Variants in SND1 observed in about 807,000 individuals in gnomAD.
SND1 encodes staphylococcal nuclease domain-containing protein 1.
Under a neutral mutation model 121.7 loss-of-function variants are expected in SND1, and 38 were observed. That is an observed-to-expected ratio of 0.31 (90% CI 0.24 to 0.41). The LOEUF (loss-of-function observed/expected upper bound fraction) is 0.41, where lower values mean the gene tolerates loss of function less well. SND1 is among the 10% of genes least tolerant of loss of function. SND1 has a pLI of 1.00. For synonymous variants in SND1, 401 were observed against 447.4 expected, an observed-to-expected ratio of 0.90 and a Z score of 1.31; for missense variants, 868 against 1,184.6, an observed-to-expected ratio of 0.73 and a Z score of 3.92.
Position 127,816,728 on chromosome 7 carries a change from A to G in SND1, c.1242+9155A>G, listed in dbSNP as rs141583615. ...ACCCAGGCTGGAGTGCAGTGATGCG[A>G]TCTTGGCTCACTGCAACGTCTGCCT... is the stretch of plus-strand genomic sequence containing the variant. On this transcript the variant is annotated intron_variant, in intron 11 of 23. Coordinates refer to ENST00000354725, the MANE Select transcript of SND1 (RefSeq NM_014390.4). 4.6e-3 allele frequency among the ~76,000 whole-genome samples: 658 copies of G among 142,992 alleles called. 7 individuals carry two copies. Among genetic ancestry groups the G allele is most frequent in the African/African-American group, 0.017 (628 of 37,922 alleles). The allele number at this position is 142,992 out of a possible 152,430, so 93.8% of individuals were successfully genotyped here. A position where few individuals can be genotyped will look rare whatever the true frequency, so the allele number is the denominator to read the frequency against.
chr7:127,887,786 TTC>T lies in SND1; in HGVS notation c.1344-109_1344-108del, dbSNP rs1318297959. The stretch of plus-strand genomic sequence containing the variant: ...AACTCATAGGTCTTGAAACCTTGGC[TTC>T]TCTCTCCCTCTGCCAGAATGCGTTA... On this transcript the variant is annotated intron_variant, in intron 12 of 23. Transcript: ENST00000354725. 3.5e-5 allele frequency: 22 copies of T among 624,874 alleles called. No homozygotes were observed. The African/African-American group carries it at 3.7e-4, about 10-fold the overall frequency. 38.7% of individuals were successfully genotyped at this position (624,874 alleles called of 1,614,324 possible).
At chr7:127,794,579 C>G (rs192737025) in intron 10 of SND1, among the ~76,000 whole-genome samples, 6 of 152,304 alleles carry the variant, frequency 3.9e-5, no homozygotes, top group Admixed American at 3.9e-4. Flanking sequence ...ATGGGCTCAC[C>G]CGCTCCTTCT....
At chr7:127,792,842 A>G (rs1431576203) in intron 10 of SND1, among the ~76,000 whole-genome samples, 1 of 152,196 alleles carries the variant, frequency 6.6e-6, no homozygotes, top group African/African-American at 2.4e-5. Context: ...ACAAGCTACC[A>G]TTGCTGGGAG....
At chr7:127,716,138 G>A (rs1387311459) in intron 9 of SND1, among the ~76,000 whole-genome samples, 2 of 152,182 alleles carry the variant, frequency 1.3e-5, no homozygotes, top group Admixed American at 1.3e-4. Context: ...TTGAAATCAG[G>A]AAGTGTGAGT....
rs191503735 is a variant in SND1 at position 127,944,354 on chromosome 7, G to T, written c.1669+15025G>T. On this transcript the variant is annotated intron_variant, in intron 15 of 23. Coordinates refer to ENST00000354725, the MANE Select transcript of SND1 (RefSeq NM_014390.4). Reference sequence around the variant, plus strand: ...AGGATTTGCAGAAATTGAGATTGCTGTTCCCAGATATTGGCACTTGCCTGG... The same window carrying T: ...AGGATTTGCAGAAATTGAGATTGCTTTTCCCAGATATTGGCACTTGCCTGG... Among the ~76,000 whole-genome samples the T allele has an allele frequency of 2.0e-5, 3 of 152,218 alleles. No homozygotes were observed. The South Asian group carries it at 6.2e-4, about 31-fold the overall frequency.
At chr7:128,057,198 A>C (rs1205370368) in intron 16 of SND1, among the ~76,000 whole-genome samples, 1 of 151,816 alleles carries the variant, frequency 6.6e-6, no homozygotes, top group Non-Finnish European at 1.5e-5. Flanking sequence ...GATAAGGGGG[A>C]CTCCTTTATA....
intron 1 of SND1, among the ~76,000 whole-genome samples, chr7:127,663,687 C>T (rs1225457726): frequency 6.6e-6 from 1 of 152,100 alleles, no homozygotes; most frequent in East Asian, 1.9e-4. Context: ...TACTGTACTT[C>T]TTAATTGGTT....
At chr7:128,071,425 A>G (rs771973521) in intron 16 of SND1, among the ~76,000 whole-genome samples, 3 of 152,382 alleles carry the variant, frequency 2.0e-5, no homozygotes, top group African/African-American at 4.8e-5. Flanking sequence ...AACTGTATGT[A>G]TATATCTCTG....
chr7:127,746,197 A>G (rs982362392), intron 10 of SND1, among the ~76,000 whole-genome samples: 2 of 152,106 alleles, frequency 1.3e-5, no homozygotes, highest in African/African-American at 4.8e-5. Context: ...CTCCTTTTTT[A>G]CTTTATTTCA....
intron 16 of SND1, among the ~76,000 whole-genome samples, chr7:128,049,348 C>G (rs1342384938): frequency 6.6e-6 from 1 of 152,118 alleles, no homozygotes. Context: ...CTCCCAGCCC[C>G]TCTCCTTCCT....
At chr7:127,847,768 T>C (rs1271722300) in intron 12 of SND1, among the ~76,000 whole-genome samples, 1 of 152,240 alleles carries the variant, frequency 6.6e-6, no homozygotes, top group African/African-American at 2.4e-5. Context: ...GCCAATAATA[T>C]GGCACTGGTT....
At position 128,065,377 on chromosome 7, in the gene SND1, T is replaced by C. The variant is rs181276217; in HGVS notation, c.1780-9125T>C. ...CACAAAGCAGAGCGGACTGGCCCCA[T>C]TGGGGGGGTCACAGGTCAGCTACTT... On this transcript the variant is annotated intron_variant, in intron 16 of 23. Coordinates refer to ENST00000354725, the MANE Select transcript of SND1 (RefSeq NM_014390.4). Among the ~76,000 whole-genome samples, 6 of 152,228 alleles carry C rather than the reference T, an allele frequency of 3.9e-5. No individual in the cohort carries two copies. In the East Asian group the frequency reaches 9.7e-4, roughly 25 times the overall value.
chr7:128,062,665 G>A (rs186973847), intron 16 of SND1, among the ~76,000 whole-genome samples: 145 of 152,260 alleles, frequency 9.5e-4, no homozygotes, highest in Non-Finnish European at 1.6e-3. Flanking sequence ...AGGGATTGGC[G>A]TCTGTGTCCC....
chr7:127,749,725 A>G (rs1324994201), intron 10 of SND1, among the ~76,000 whole-genome samples: 2 of 152,222 alleles, frequency 1.3e-5, no homozygotes, highest in Non-Finnish European at 2.9e-5. Context: ...AATTGGTGGA[A>G]CTGGTTTAAG....
chr7:128,026,492 C>CTA, intron 16 of SND1, among the ~76,000 whole-genome samples: 1 of 152,338 alleles, frequency 6.6e-6, no homozygotes, highest in Middle Eastern at 3.4e-3. Context: ...AGTATAAATA[C>CTA]TAGCACTGAA....
chr7:127,875,733 G>T (rs1184544540), intron 12 of SND1, among the ~76,000 whole-genome samples: 1 of 152,150 alleles, frequency 6.6e-6, no homozygotes, highest in Non-Finnish European at 1.5e-5. Context: ...GTGTTTAAAT[G>T]CCTGTTCCAT....
At chr7:128,091,567 C>G (rs947632230) in intron 22 of SND1, among the ~76,000 whole-genome samples, 1 of 152,084 alleles carries the variant, frequency 6.6e-6, no homozygotes, top group East Asian at 1.9e-4. Flanking sequence ...GATACTTTAT[C>G]ACAGACTGAA....
chr7:128,004,924 G>A (rs1802923702), intron 16 of SND1, among the ~76,000 whole-genome samples: 1 of 152,210 alleles, frequency 6.6e-6, no homozygotes, highest in African/African-American at 2.4e-5. Flanking sequence ...AAAAGGACAG[G>A]CCTGTGCCCT....
intron 16 of SND1, among the ~76,000 whole-genome samples, chr7:128,031,859 C>A (rs1411788764): frequency 6.7e-6 from 1 of 150,370 alleles, no homozygotes; most frequent in Non-Finnish European, 1.5e-5. Context: ...GGCTTCGGCT[C>A]CCGGCGCCCT....
Sources: gnomAD v4.1 joint callset for allele counts (sites outside exome capture counted in the v4.1 genomes callset) on GRCh38, gnomAD v4.1.1 for gene constraint, MANE v1.5 for transcripts, NCBI Gene and HGNC (gene_info 2026-07-23, HGNC 2026-07-21) for gene names.